Variants in OR5AS1 observed in about 807,000 individuals in gnomAD.
OR5AS1 encodes the protein olfactory receptor family 5 subfamily AS member 1.
For missense variants in OR5AS1, 492 were observed against 378.2 expected (o/e 1.30, Z -2.50); for synonymous variants, 196 against 141.7 (o/e 1.38, Z -2.72).
rs540101682 is a variant in OR5AS1 at position 56,032,551 on chromosome 11, A to G, written c.*1158A>G. ...TGCATTTTGTAATAATTATGAAAAT[A>G]TAAATGGTTGGATTAGTTATATTGA... On this transcript the variant is annotated 3_prime_UTR_variant, in exon 2 of 2. Coordinates refer to ENST00000641320, the MANE Select transcript of OR5AS1 (RefSeq NM_001001921.2). The G allele has an allele frequency of 6.6e-6, 1 of 152,298 alleles. No individual in the cohort carries two copies. Among genetic ancestry groups the G allele is most frequent in the African/African-American group, 2.4e-5 (1 of 41,528 alleles). 9.4% of individuals were successfully genotyped at this position (152,298 alleles called of 1,614,324 possible). A position where few individuals can be genotyped will look rare whatever the true frequency, so the allele number is the denominator to read the frequency against.
At chr11:56,028,011 A>G (rs1355722190) in intron 1 of OR5AS1, among the ~76,000 whole-genome samples, 1 of 152,052 alleles carries the variant, frequency 6.6e-6, no homozygotes, top group African/African-American at 2.4e-5. Context: ...TGGAAAAACA[A>G]TGGTGTAATA....
rs951712794 is a variant in OR5AS1, at chr11:56,037,666, A to T, written c.*6273A>T. ...CTCATGGATATGAAGAATCAATATC[A>T]TGAAAATGGCCATCTACTGCCCTAA... On this transcript the variant is annotated 3_prime_UTR_variant, in exon 2 of 2. Transcript: ENST00000641320. 5 of 152,042 alleles carry T rather than the reference A, an allele frequency of 3.3e-5. No individual in the cohort carries two copies. The allele number at this position is 152,042 out of a possible 1,614,324, so 9.4% of individuals were successfully genotyped here. A position where few individuals can be genotyped will look rare whatever the true frequency, so the allele number is the denominator to read the frequency against.
chr11:56,028,869 G>C (rs377163528), intron 1 of OR5AS1, among the ~76,000 whole-genome samples: 1 of 152,196 alleles, frequency 6.6e-6, no homozygotes, highest in South Asian at 2.1e-4. Context: ...GGAAATGTTA[G>C]TGTGGAAATT....
intron 1 of OR5AS1, among the ~76,000 whole-genome samples, chr11:56,029,776 A>G (rs1853329094): frequency 6.6e-6 from 1 of 152,034 alleles, no homozygotes; most frequent in African/African-American, 2.4e-5. Flanking sequence ...ACTTACTAGG[A>G]ATATTTATTT....
rs1391685841 is a variant in OR5AS1 at position 56,031,165 on chromosome 11, C to A, written c.747C>A (p.Thr249=). Residue 249 remains threonine (T), a synonymous_variant, in exon 2 of 2, where the codon ACC becomes ACA. Transcript: ENST00000641320. ...GTGCTTCCCACCTCATAGCAGTCAC[C>A]TTATTCTATGGAGCGCTCCTGTTTA... ...STCASHLIAV[T]LFYGALLFMY... is the part of the protein sequence containing the mutation. 1.2e-6 allele frequency: 2 copies of A among 1,614,094 alleles called. No individual in the cohort carries two copies. The highest frequency in any genetic ancestry group is 2.2e-5 in the South Asian group (2 of 91,084).
In OR5AS1 at chr11:56,032,190, A is replaced by T. The variant is rs987769883; in HGVS notation, c.*797A>T. ...ACTGCAAGAAATTCCCTACTTTTTC[A>T]TTCAGAGTGGGTAATTGTGAAAAAC... On this transcript the variant is annotated 3_prime_UTR_variant, in exon 2 of 2. Coordinates refer to ENST00000641320, the MANE Select transcript of OR5AS1 (RefSeq NM_001001921.2). The T allele has an allele frequency of 6.6e-6, 1 of 152,094 alleles. No individual in the cohort carries two copies. The highest frequency in any genetic ancestry group is 1.5e-5 in the Non-Finnish European group (1 of 68,024). The allele number at this position is 152,094 out of a possible 1,614,324, so 9.4% of individuals were successfully genotyped here.
Position 56,037,273 on chromosome 11 carries a change from C to T in OR5AS1, c.*5880C>T, listed in dbSNP as rs1291177576. ...GAAAGTGCTGGCCAGGGCAATCAGG[C>T]AAGATAAAGAAATAAAGGATATTCA... On this transcript the variant is annotated 3_prime_UTR_variant, in exon 2 of 2. Coordinates refer to ENST00000641320, the MANE Select transcript of OR5AS1 (RefSeq NM_001001921.2). 1 of 151,928 alleles carries T rather than the reference C, an allele frequency of 6.6e-6. No individual in the cohort carries two copies. The highest frequency in any genetic ancestry group is 1.5e-5 in the Non-Finnish European group (1 of 68,018). The allele number at this position is 151,928 out of a possible 1,614,324, so 9.4% of individuals were successfully genotyped here. A position where few individuals can be genotyped will look rare whatever the true frequency, so the allele number is the denominator to read the frequency against.
In OR5AS1 at chr11:56,037,327, C is replaced by G. The variant is rs1163962472; in HGVS notation, c.*5934C>G. On this transcript the variant is annotated 3_prime_UTR_variant, in exon 2 of 2. Coordinates refer to ENST00000641320, the MANE Select transcript of OR5AS1 (RefSeq NM_001001921.2). ...AGGAAAAGAGGAAGTCAAATCGTCT[C>G]TGTTTGCAGATGACATGATTGTATA... is the stretch of plus-strand genomic sequence containing the variant. 1 of 152,244 alleles carries G rather than the reference C, an allele frequency of 6.6e-6. No homozygotes were observed. Among genetic ancestry groups the G allele is most frequent in the Middle Eastern group, 3.4e-3 (1 of 294 alleles). 9.4% of individuals were successfully genotyped at this position (152,244 alleles called of 1,614,324 possible). A position where few individuals can be genotyped will look rare whatever the true frequency, so the allele number is the denominator to read the frequency against.
chr11:56,029,607 G>C (rs910086759), intron 1 of OR5AS1, among the ~76,000 whole-genome samples: 1 of 151,540 alleles, frequency 6.6e-6, no homozygotes, highest in Non-Finnish European at 1.5e-5. Flanking sequence ...AAGACAAGAT[G>C]AATATTGAGA....
chr11:56,027,980 A>C (rs1853313517), intron 1 of OR5AS1, among the ~76,000 whole-genome samples: 2 of 152,086 alleles, frequency 1.3e-5, no homozygotes, highest in African/African-American at 2.4e-5. Context: ...AAGGAAGCTG[A>C]CTATGCCTAT....
rs1037807077 is a variant in OR5AS1 at position 56,036,706 on chromosome 11, T to C, written c.*5313T>C. ...TACCAGACATACAAAGAGGAGCTGGTACTATTCCTTCTGAAACTATTCCAA... is the reference window on the plus strand; with the variant it reads ...TACCAGACATACAAAGAGGAGCTGGCACTATTCCTTCTGAAACTATTCCAA... On this transcript the variant is annotated 3_prime_UTR_variant, in exon 2 of 2. Coordinates refer to ENST00000641320, the MANE Select transcript of OR5AS1 (RefSeq NM_001001921.2). 5.9e-5 allele frequency: 9 copies of C among 152,070 alleles called. No homozygotes were observed. The highest frequency in any genetic ancestry group is 8.8e-5 in the Non-Finnish European group (6 of 68,028). The allele number at this position is 152,070 out of a possible 1,614,324, so 9.4% of individuals were successfully genotyped here. A position where few individuals can be genotyped will look rare whatever the true frequency, so the allele number is the denominator to read the frequency against.
chr11:56,030,636 G>C lies in OR5AS1; in HGVS notation c.218G>C (p.Cys73Ser), dbSNP rs61307184. The C allele has an allele frequency of 1.3e-6, 2 of 1,567,524 alleles. No homozygotes were observed. Among genetic ancestry groups the C allele is most frequent in the Non-Finnish European group, 8.6e-7 (1 of 1,157,378 alleles). Residue 73 changes from cysteine to serine, a missense_variant, in exon 2 of 2, where the codon TGT becomes TCT. Physicochemically the swap from Cys to Ser is moderately radical, Grantham distance 112. Transcript: ENST00000641320. ...LSNLSFLDIS[C>S]STAITPKMLA... ...AACTTATCTTTCTTAGACATCAGCTGTTCTACAGCAATCACTCCTAAAATG... is the reference window on the plus strand; with the variant it reads ...AACTTATCTTTCTTAGACATCAGCTCTTCTACAGCAATCACTCCTAAAATG...
At chr11:56,030,335 G>T (rs1436816141) in intron 1 of OR5AS1, 56 bp from the exon 2 acceptor site, 1 of 734,766 alleles carries the variant, frequency 1.4e-6, no homozygotes, top group East Asian at 2.8e-5. Flanking sequence ...AGAGAATAAA[G>T]ATACTTTTGG....
chr11:56,028,133 T>A (rs1853314651), intron 1 of OR5AS1, among the ~76,000 whole-genome samples: 1 of 152,022 alleles, frequency 6.6e-6, no homozygotes, highest in Non-Finnish European at 1.5e-5. Context: ...CTAGGAGAAT[T>A]TGTCATTTCA....
rs1438804041 is a variant in OR5AS1 at position 56,032,226 on chromosome 11, AT to A, written c.*834del. 1 of 152,144 alleles carries A rather than the reference AT, an allele frequency of 6.6e-6. No individual in the cohort carries two copies. Among genetic ancestry groups the A allele is most frequent in the Non-Finnish European group, 1.5e-5 (1 of 68,028 alleles). The allele number at this position is 152,144 out of a possible 1,614,324, so 9.4% of individuals were successfully genotyped here. A position where few individuals can be genotyped will look rare whatever the true frequency, so the allele number is the denominator to read the frequency against. On this transcript the variant is annotated 3_prime_UTR_variant, in exon 2 of 2. Coordinates refer to ENST00000641320, the MANE Select transcript of OR5AS1 (RefSeq NM_001001921.2). Reference sequence around the variant, plus strand: ...GTAATTGTGAAAAACAAGTTTGTGAATACTATCAAGATTATAAACTGTAGAA... The same window carrying A: ...GTAATTGTGAAAAACAAGTTTGTGAAACTATCAAGATTATAAACTGTAGAA...
At position 56,030,372 on chromosome 11, in the gene OR5AS1, A is replaced by G. The variant is rs776628170; in HGVS notation, c.-28-19A>G. On this transcript the variant is annotated intron_variant, in intron 1 of 1. Transcript: ENST00000641320. The stretch of plus-strand genomic sequence containing the variant: ...TCATCCATAACTCAAGTTAACTCAC[A>G]TCTGCTGATACTACCTAGGTCCAGT... The G allele has an allele frequency of 3.1e-6, 4 of 1,307,972 alleles. No individual in the cohort carries two copies. Among genetic ancestry groups the G allele is most frequent in the East Asian group, 2.5e-5 (1 of 40,554 alleles). 81.0% of individuals were successfully genotyped at this position (1,307,972 alleles called of 1,614,324 possible). A position where few individuals can be genotyped will look rare whatever the true frequency, so the allele number is the denominator to read the frequency against.
At chr11:56,029,159 T>A (rs958554154) in intron 1 of OR5AS1, among the ~76,000 whole-genome samples, 3 of 152,076 alleles carry the variant, frequency 2.0e-5, no homozygotes, top group African/African-American at 7.2e-5. Flanking sequence ...TTATCAGGCA[T>A]GATAGAGACA....
chr11:56,031,001 A>C lies in OR5AS1; in HGVS notation c.583A>C (p.Asn195His). ...LALSCTDTQI[N>H]QLLLFALCSF... ...TTTATCATGTACAGACACTCAGATC[A>C]ACCAGCTTCTGCTCTTTGCTTTGTG... Residue 195 changes from asparagine (N) to histidine (H), a missense_variant, in exon 2 of 2, where the codon AAC (asparagine) becomes CAC (histidine). Coordinates refer to ENST00000641320, the MANE Select transcript of OR5AS1 (RefSeq NM_001001921.2). 1 of 1,614,192 alleles carries C rather than the reference A, an allele frequency of 6.2e-7. No homozygotes were observed. The highest frequency in any genetic ancestry group is 8.5e-7 in the Non-Finnish European group (1 of 1,180,040).
intron 1 of OR5AS1, among the ~76,000 whole-genome samples, chr11:56,030,113 C>A (rs1206211733): frequency 2.0e-5 from 3 of 152,116 alleles, no homozygotes; most frequent in Admixed American, 2.0e-4. Flanking sequence ...TTATCCCTTT[C>A]AGCTTGTAAA....
Sources: allele counts gnomAD v4.1 joint callset (sites outside exome capture counted in the v4.1 genomes callset), GRCh38; gene constraint gnomAD v4.1.1; transcripts MANE v1.5; gene names NCBI Gene and HGNC (gene_info 2026-07-23, HGNC 2026-07-21).